The following ISX variants were observed in gnomAD, a reference collection of about 807,000 sequenced individuals.
The protein encoded by ISX is intestine-specific homeobox.
In ISX, 15 loss-of-function variants were observed where a neutral mutation model predicts 16.9. The ratio of observed to expected loss-of-function variants is 0.89; its 90% CI spans 0.59 to 1.36. ISX has a LOEUF of 1.36. Among genes scored for constraint, ISX ranks in the 40% most tolerant of loss-of-function variants. ISX has a pLI of 0.00. For synonymous variants in ISX, 125 were observed against 119.7 expected, an observed-to-expected ratio of 1.04 and a Z score of -0.29; for missense variants, 316 against 306.1, an observed-to-expected ratio of 1.03 and a Z score of -0.24.
intron 3 of ISX, 134 bp downstream of exon 3, chr22:35,082,803 T>G (rs1929154233): frequency 3.5e-6 from 3 of 853,468 alleles, no homozygotes; most frequent in Non-Finnish European, 5.3e-6. Context: ...TACAGTCATT[T>G]TGGCCAAATA....
In ISX at chr22:35,069,349, G is replaced by C. The variant is rs77383350; in HGVS notation, c.229+2033G>C. 8.7e-3 allele frequency among the ~76,000 whole-genome samples: 1,331 copies of C among 152,262 alleles called. 21 individuals are homozygous for C. The highest frequency in any genetic ancestry group is 0.03 in the African/African-American group (1,253 of 41,530). On this transcript the variant is annotated intron_variant, in intron 2 of 4. Transcript: ENST00000404699. The stretch of plus-strand genomic sequence containing the variant: ...TCTCTGAAACACACTGGGTGAGAAG[G>C]GCAGGGTTTCAGGAAACCTACCCTC...
chr22:35,070,522 C>G (rs362038), intron 2 of ISX, among the ~76,000 whole-genome samples: 78,327 of 152,100 alleles, frequency 0.51, 20,439 homozygotes, highest in East Asian at 0.79. Context: ...ACAAGGAAGA[C>G]AGACCACCCC....
At position 35,085,916 on chromosome 22, in the gene ISX, G is replaced by T; in HGVS notation, c.*223G>T. On this transcript the variant is annotated 3_prime_UTR_variant, in exon 5 of 5. Coordinates refer to ENST00000404699, the MANE Select transcript of ISX (RefSeq NM_001303508.2). ...TCTCCTGGCTAAAGCTGCTCTCCTG[G>T]TTCAGAAGACAGGCTGGATGAGATC... 1 of 587,840 alleles carries T rather than the reference G, an allele frequency of 1.7e-6. No homozygotes were observed. The highest frequency in any genetic ancestry group is 3.0e-6 in the Non-Finnish European group (1 of 332,534). The allele number at this position is 587,840 out of a possible 1,614,324, so 36.4% of individuals were successfully genotyped here. A position where few individuals can be genotyped will look rare whatever the true frequency, so the allele number is the denominator to read the frequency against.
rs1443971488 is a variant in ISX at position 35,066,818 on chromosome 22, G to T, written c.-270G>T. The T allele has an allele frequency of 1.4e-5, 6 of 418,914 alleles. No individual in the cohort carries two copies. In the East Asian group the frequency reaches 2.5e-4, roughly 18 times the overall value. The allele number at this position is 418,914 out of a possible 1,614,324, so 25.9% of individuals were successfully genotyped here. On this transcript the variant is annotated 5_prime_UTR_variant, in exon 2 of 5. Coordinates refer to ENST00000404699, the MANE Select transcript of ISX (RefSeq NM_001303508.2). Reference sequence around the variant, plus strand: ...CGAGAAGACCCTTCTCTGGAAGATTGAACCCCAATTCAGCCATGGTGACTC... The same window carrying T: ...CGAGAAGACCCTTCTCTGGAAGATTTAACCCCAATTCAGCCATGGTGACTC...
chr22:35,070,228 G>A lies in ISX; in HGVS notation c.229+2912G>A, dbSNP rs554004917. On this transcript the variant is annotated intron_variant, in intron 2 of 4. Transcript: ENST00000404699. ...CCTGCAGGGACCTTCATGATCTATA[G>A]GTTGGACCCTCCCAGGTCTTAAAAG... is the stretch of plus-strand genomic sequence containing the variant. Among the ~76,000 whole-genome samples, 7 of 152,302 alleles carry A rather than the reference G, an allele frequency of 4.6e-5. No individual in the cohort carries two copies. The East Asian group carries it at 1.4e-3, about 29-fold the overall frequency.
chr22:35,080,636 A>T (rs5755568), intron 2 of ISX, among the ~76,000 whole-genome samples: 92,737 of 151,770 alleles, frequency 0.61, 28,861 homozygotes, highest in Admixed American at 0.67. Context: ...TCATCCTACT[A>T]ATCACATCCA....
chr22:35,082,277 G>A (rs1222237982), intron 2 of ISX, among the ~76,000 whole-genome samples: 1 of 152,248 alleles, frequency 6.6e-6, no homozygotes, highest in African/African-American at 2.4e-5. Flanking sequence ...CAGCAGAAAG[G>A]CACAATCAGA....
rs888885017 is a variant in ISX at position 35,085,923 on chromosome 22, A to T, written c.*230A>T. ...GCTAAAGCTGCTCTCCTGGTTCAGA[A>T]GACAGGCTGGATGAGATCTCAGGCC... is the stretch of plus-strand genomic sequence containing the variant. On this transcript the variant is annotated 3_prime_UTR_variant, in exon 5 of 5. Transcript: ENST00000404699. The T allele has an allele frequency of 6.6e-5, 38 of 578,526 alleles. No homozygotes were observed. The African/African-American group carries it at 6.7e-4, about 10-fold the overall frequency. 35.8% of individuals were successfully genotyped at this position (578,526 alleles called of 1,614,324 possible).
rs779368908 is a variant in ISX, at chr22:35,082,612, C to T, written c.324C>T (p.Asp108=). Residue 108 remains aspartate (D), a synonymous_variant, in exon 3 of 5, where the codon GAC becomes GAT. Transcript: ENST00000404699. ...TCTTCCACTTTACCCACTACCCAGA[C>T]GTTCACATCCGCAGCCAGCTGGCAG... ...EKIFHFTHYP[D]VHIRSQLAAR... The T allele has an allele frequency of 2.9e-5, 47 of 1,614,074 alleles. No homozygotes were observed. In the East Asian group the frequency reaches 4.9e-4, roughly 17 times the overall value.
At chr22:35,073,001 G>A (rs1163840615) in intron 2 of ISX, among the ~76,000 whole-genome samples, 6 of 152,176 alleles carry the variant, frequency 3.9e-5, no homozygotes, top group Non-Finnish European at 5.9e-5. Flanking sequence ...ACTGGTGGGA[G>A]GACCCAGTTC....
Position 35,087,342 on chromosome 22 carries a change from C to T in ISX, c.*1649C>T, listed in dbSNP as rs952209697. ...GGGTAGCAGGTACCCATTTTAGGACCCTACACTCAAATGTGCAAAATAAAA... is the reference window on the plus strand; with the variant it reads ...GGGTAGCAGGTACCCATTTTAGGACTCTACACTCAAATGTGCAAAATAAAA... On this transcript the variant is annotated 3_prime_UTR_variant, in exon 5 of 5. Transcript: ENST00000404699. The T allele has an allele frequency of 6.6e-6, 1 of 152,156 alleles. No individual in the cohort carries two copies. The highest frequency in any genetic ancestry group is 6.5e-5 in the Admixed American group (1 of 15,278). The allele number at this position is 152,156 out of a possible 1,614,324, so 9.4% of individuals were successfully genotyped here. A position where few individuals can be genotyped will look rare whatever the true frequency, so the allele number is the denominator to read the frequency against.
rs764179371 is a variant in ISX, at chr22:35,082,642, G to T, written c.354G>T (p.Arg118Ser). 1.2e-6 allele frequency: 2 copies of T among 1,614,112 alleles called. No homozygotes were observed. Among genetic ancestry groups the T allele is most frequent in the Non-Finnish European group, 1.7e-6 (2 of 1,180,024 alleles). Residue 118 changes from arginine (R) to serine (S), a missense_variant, in exon 3 of 5, where the codon AGG (arginine) becomes AGT (serine). Coordinates refer to ENST00000404699, the MANE Select transcript of ISX (RefSeq NM_001303508.2). ...ACATCCGCAGCCAGCTGGCAGCCAG[G>T]ATCAACCTCCCAGAAGCTCGGGTGC... ...DVHIRSQLAA[R>S]INLPEARVQI...
At chr22:35,084,542 T>C (rs377676683) in intron 4 of ISX, 43 bp downstream of exon 4, 2 of 1,326,290 alleles carry the variant, frequency 1.5e-6, no homozygotes, top group Non-Finnish European at 2.1e-6. Flanking sequence ...GGAGCCATTG[T>C]CTGGAAATAT....
chr22:35,083,208 T>TC (rs1929165295), intron 3 of ISX, among the ~76,000 whole-genome samples: 1 of 152,248 alleles, frequency 6.6e-6, no homozygotes, highest in African/African-American at 2.4e-5. Context: ...TCTTTTTTTT[T>TC]CTAGCCATTT....
intron 2 of ISX, among the ~76,000 whole-genome samples, chr22:35,081,550 T>C (rs1312799405): frequency 6.6e-6 from 1 of 152,164 alleles, no homozygotes; most frequent in African/African-American, 2.4e-5. Flanking sequence ...TTCTCTAGGA[T>C]GGTCTTGGTC....
Position 35,082,546 on chromosome 22 carries a change from T to G in ISX, c.258T>G (p.Arg86=). 1 of 1,614,174 alleles carries G rather than the reference T, an allele frequency of 6.2e-7. No individual in the cohort carries two copies. Among genetic ancestry groups the G allele is most frequent in the Non-Finnish European group, 8.5e-7 (1 of 1,180,010 alleles). Residue 86 remains arginine (R), a synonymous_variant, in exon 3 of 5, where the codon CGT becomes CGG. Transcript: ENST00000404699. ...GAAGGAAGAGCAAGCGGAGGGTTCG[T>G]ACCACCTTCACCACTGAGCAGCTGC... ...QEGRKSKRRV[R]TTFTTEQLHE... is the part of the protein sequence containing the mutation.
At position 35,083,016 on chromosome 22, in the gene ISX, T is replaced by G. The variant is rs117282830; in HGVS notation, c.381+347T>G. Among the ~76,000 whole-genome samples the G allele has an allele frequency of 4.6e-3, 694 of 152,324 alleles. 13 individuals carry two copies. In the East Asian group the frequency reaches 0.048, roughly 11 times the overall value. ...ATCTAGATCAGGGGTCAACAACCTT[T>G]CTGCAAAGAGCCAGATGGTAATGAT... On this transcript the variant is annotated intron_variant, in intron 3 of 4. Coordinates refer to ENST00000404699, the MANE Select transcript of ISX (RefSeq NM_001303508.2).
intron 3 of ISX, 48 bp downstream of exon 3, chr22:35,082,717 A>G (rs1310287796): frequency 1.2e-6 from 2 of 1,601,196 alleles, no homozygotes; most frequent in Admixed American, 1.7e-5. Context: ...CCTTGGGACC[A>G]TGTGTGAGAC....
At position 35,084,427 on chromosome 22, in the gene ISX, G is replaced by A; in HGVS notation, c.426G>A (p.Lys142=). 1.2e-6 allele frequency: 2 copies of A among 1,614,032 alleles called. No homozygotes were observed. The highest frequency in any genetic ancestry group is 1.1e-5 in the South Asian group (1 of 91,030). The part of the protein sequence containing the change: ...NQRAKWRKQE[K]IGNLGAPQQL... ...GAGCCAAGTGGCGGAAGCAGGAGAA[G>A]ATTGGCAACCTGGGGGCTCCACAGC... The change falls in exon 4 of 5, where the codon AAG becomes AAA. Residue 142 remains lysine (K), a synonymous_variant. Transcript: ENST00000404699.
Sources: gnomAD v4.1 joint callset for allele counts (sites outside exome capture counted in the v4.1 genomes callset) on GRCh38, gnomAD v4.1.1 for gene constraint, MANE v1.5 for transcripts, NCBI Gene and HGNC (gene_info 2026-07-23, HGNC 2026-07-21) for gene names.